TBCCD1: variants seen among roughly 807,000 people sequenced by gnomAD.
The protein encoded by TBCCD1 is TBCC domain-containing protein 1.
In TBCCD1, 26 loss-of-function variants were observed where a neutral mutation model predicts 53.4. That is an observed-to-expected ratio of 0.49 (90% CI 0.36 to 0.68). The LOEUF (loss-of-function observed/expected upper bound fraction) is 0.68, where lower values mean the gene tolerates loss of function less well. TBCCD1 is among the 30% of genes least tolerant of loss of function. The pLI, the probability that TBCCD1 is intolerant of heterozygous loss-of-function variation, is 0.00. For missense variants in TBCCD1, 558 were observed against 669.5 expected, an observed-to-expected ratio of 0.83 and a Z score of 1.84; for synonymous variants, 245 against 241.7, an observed-to-expected ratio of 1.01 and a Z score of -0.13.
At chr3:186,556,041 C>T (rs1161445065) in intron 4 of TBCCD1, among the ~76,000 whole-genome samples, 4 of 152,048 alleles carry the variant, frequency 2.6e-5, no homozygotes, top group South Asian at 2.1e-4. Context: ...TAAACAACAC[C>T]GCTGAAATAC....
rs1473733956 is a variant in TBCCD1, at chr3:186,554,481, A to C, written c.1317T>G (p.Pro439=). ...HMARTGLATV[P]NYWDNPMVVC... ...CAACCATTGGATTATCCCAATAGTTAGGCACTGTAGCAAGGCCAGTCCTGG... is the reference window on the plus strand; with the variant it reads ...CAACCATTGGATTATCCCAATAGTTCGGCACTGTAGCAAGGCCAGTCCTGG... The change falls in exon 6 of 8, where the codon CCT becomes CCG. Residue 439 remains proline (P), a synonymous_variant. Transcript: ENST00000338733. 6.2e-7 allele frequency: 1 copy of C among 1,614,258 alleles called. No individual in the cohort carries two copies. The highest frequency in any genetic ancestry group is 2.2e-5 in the East Asian group (1 of 44,886).
rs566600592 is a variant in TBCCD1, at chr3:186,559,701, T to C, written c.337-1129A>G. Among the ~76,000 whole-genome samples, 19 of 152,312 alleles carry C rather than the reference T, an allele frequency of 1.2e-4. 1 individual carries two copies. The East Asian group carries it at 1.7e-3, about 14-fold the overall frequency. ...ATGTGAAGCCCCATGAATTTGTATA[T>C]TTTATAAATTTTTACTTTCTTAATT... On this transcript the variant is annotated intron_variant, in intron 2 of 7. Transcript: ENST00000338733.
chr3:186,565,789 T>C (rs1443051578), intron 1 of TBCCD1, among the ~76,000 whole-genome samples: 2 of 152,260 alleles, frequency 1.3e-5, no homozygotes, highest in Non-Finnish European at 2.9e-5. Flanking sequence ...AATTTTCAGA[T>C]GTACTTTTGT....
At chr3:186,561,811 A>G (rs1277635148) in intron 2 of TBCCD1, among the ~76,000 whole-genome samples, 3 of 152,192 alleles carry the variant, frequency 2.0e-5, no homozygotes, top group South Asian at 2.1e-4. Context: ...AATAAATAGT[A>G]TAGTGGTTTC....
intron 1 of TBCCD1, among the ~76,000 whole-genome samples, chr3:186,565,797 T>C (rs1714811877): frequency 6.6e-6 from 1 of 152,246 alleles, no homozygotes; most frequent in Non-Finnish European, 1.5e-5. Flanking sequence ...GATGTACTTT[T>C]GTGAAATTAA....
At position 186,556,428 on chromosome 3, in the gene TBCCD1, T is replaced by C. The variant is rs1160577782; in HGVS notation, c.840A>G (p.Lys280=). ...AAATACCTTGATGAGCCCAAGCCAATTTCTTTCCAGACTTGAGGCAAGCTG... is the reference window on the plus strand; with the variant it reads ...AAATACCTTGATGAGCCCAAGCCAACTTCTTTCCAGACTTGAGGCAAGCTG... ...GTSACLKSGK[K]LAWAHQVEGT... is the part of the protein sequence containing the mutation. The change falls in exon 4 of 8, where the codon AAA becomes AAG. Residue 280 remains lysine (K), a synonymous_variant. Coordinates refer to ENST00000338733, the MANE Select transcript of TBCCD1 (RefSeq NM_018138.5). The C allele has an allele frequency of 2.5e-6, 4 of 1,595,354 alleles. No individual in the cohort carries two copies. The highest frequency in any genetic ancestry group is 2.2e-5 in the East Asian group (1 of 44,790).
intron 4 of TBCCD1, 113 bp from the exon 5 acceptor site, chr3:186,555,197 T>C: frequency 1.0e-6 from 1 of 991,730 alleles, no homozygotes; most frequent in Middle Eastern, 3.4e-4. Flanking sequence ...ATACCACATG[T>C]AGGGACAAAA....
intron 3 of TBCCD1, among the ~76,000 whole-genome samples, 156 bp downstream of exon 3, chr3:186,558,261 G>A (rs1048362473): frequency 5.3e-5 from 8 of 152,020 alleles, no homozygotes; most frequent in Non-Finnish European, 1.5e-5. Context: ...TGTACACACT[G>A]ATTTTGTTTT....
upstream of TBCCD1, chr3:186,567,391 C>G (rs1312559350): frequency 2.0e-5 from 3 of 150,190 alleles, no homozygotes; most frequent in Non-Finnish European, 4.5e-5. Flanking sequence ...AAGCGCGAGG[C>G]CCCGCACCAC....
At chr3:186,565,741 C>T (rs73057493) in intron 1 of TBCCD1, among the ~76,000 whole-genome samples, 21,459 of 152,084 alleles carry the variant, frequency 0.14, 1,806 homozygotes, top group African/African-American at 0.22. Context: ...TACCATCTTT[C>T]TTCATATTTT....
intron 4 of TBCCD1, 121 bp downstream of exon 4, chr3:186,556,288 T>C (rs1714536746): frequency 1.8e-6 from 2 of 1,135,562 alleles, no homozygotes; most frequent in African/African-American, 1.7e-5. Flanking sequence ...CTTTTTCTCT[T>C]TTATAGGAGC....
intron 2 of TBCCD1, among the ~76,000 whole-genome samples, chr3:186,563,775 T>C (rs538814867): frequency 2.0e-5 from 3 of 152,214 alleles, no homozygotes; most frequent in Admixed American, 6.5e-5. Context: ...TTAAGAATGG[T>C]TTATTGGGCC....
At chr3:186,554,801 A>G in intron 5 of TBCCD1, 50 bp from the exon 6 acceptor site, 1 of 1,591,324 alleles carries the variant, frequency 6.3e-7, no homozygotes, top group Non-Finnish European at 8.5e-7. Context: ...GATTTTAAAA[A>G]TTTGACTAAA....
At chr3:186,558,651 A>C in intron 2 of TBCCD1, 79 bp from the exon 3 acceptor site, 1 of 1,484,736 alleles carries the variant, frequency 6.7e-7, no homozygotes, top group Non-Finnish European at 9.0e-7. Context: ...AGACATAGTA[A>C]ATTCACAAGT....
chr3:186,551,935 C>A (rs943163810), intron 6 of TBCCD1, among the ~76,000 whole-genome samples: 2 of 152,160 alleles, frequency 1.3e-5, no homozygotes, highest in Non-Finnish European at 2.9e-5. Flanking sequence ...TAAGATCACA[C>A]CACTGCACTC....
chr3:186,565,642 G>A (rs1714807113), intron 1 of TBCCD1, among the ~76,000 whole-genome samples: 1 of 152,102 alleles, frequency 6.6e-6, no homozygotes, highest in African/African-American at 2.4e-5. Context: ...ATGGGTACGT[G>A]GGGGGCTCAC....
chr3:186,556,743 G>A lies in TBCCD1; in HGVS notation c.525C>T (p.Val175=). ...CGAGGAGATCAGACAGATGATCATA[G>A]ACAAAAGCTTGGTGACTGTAATCAT... ...NWNDYSHQAF[V]YDHLSDLLEL... is the part of the protein sequence containing the mutation. Residue 175 remains valine (V), a synonymous_variant, in exon 4 of 8, where the codon GTC becomes GTT. Coordinates refer to ENST00000338733, the MANE Select transcript of TBCCD1 (RefSeq NM_018138.5). 6.2e-7 allele frequency: 1 copy of A among 1,613,998 alleles called. No homozygotes were observed. Among genetic ancestry groups the A allele is most frequent in the Non-Finnish European group, 8.5e-7 (1 of 1,179,974 alleles).
At chr3:186,559,852 C>T (rs1441522231) in intron 2 of TBCCD1, among the ~76,000 whole-genome samples, 1 of 152,200 alleles carries the variant, frequency 6.6e-6, no homozygotes, top group Non-Finnish European at 1.5e-5. Context: ...GACACCGATA[C>T]AGTCAAGATA....
intron 7 of TBCCD1, among the ~76,000 whole-genome samples, chr3:186,547,931 T>C (rs1177570729): frequency 6.6e-6 from 1 of 152,148 alleles, no homozygotes; most frequent in Non-Finnish European, 1.5e-5. Flanking sequence ...GAAATGTAAA[T>C]ATTTAAAGCA....
Sources: allele counts gnomAD v4.1 joint callset (sites outside exome capture counted in the v4.1 genomes callset), GRCh38; gene constraint gnomAD v4.1.1; transcripts MANE v1.5; gene names NCBI Gene and HGNC (gene_info 2026-07-23, HGNC 2026-07-21).